PCDH15: variants seen among roughly 807,000 people sequenced by gnomAD.
The protein encoded by PCDH15 is protocadherin related 15.
In PCDH15, 129 loss-of-function variants were observed where a neutral mutation model predicts 178.5. The ratio of observed to expected loss-of-function variants is 0.72; its 90% CI spans 0.63 to 0.84. PCDH15 has a LOEUF of 0.84. Ranked by LOEUF, PCDH15 falls within the 40% of genes least tolerant of loss-of-function variation. The pLI is 0.00. For synonymous variants in PCDH15, 800 were observed against 732.0 expected (o/e 1.09, Z -1.50); for missense variants, 2,230 against 2,099.9 (o/e 1.06, Z -1.21).
At chr10:54,019,836 T>A (rs1475843510) in intron 20 of PCDH15, among the ~76,000 whole-genome samples, 1 of 151,966 alleles carries the variant, frequency 6.6e-6, no homozygotes, top group Non-Finnish European at 1.5e-5. Flanking sequence ...TATATAAAAT[T>A]TTTTTAGTTG....
rs543527775 is a variant in PCDH15, at chr10:54,717,825, G to A, written c.-28-53535C>T. 1.9e-4 allele frequency among the ~76,000 whole-genome samples: 27 copies of A among 143,122 alleles called. 1 individual carries two copies. The South Asian group carries it at 3.6e-3, about 19-fold the overall frequency. The allele number at this position is 143,122 out of a possible 152,430, so 93.9% of individuals were successfully genotyped here. A position where few individuals can be genotyped will look rare whatever the true frequency, so the allele number is the denominator to read the frequency against. ...ACACATGCACACGTATGTTTACTGCGGCACTATTCATAATAGCGAAGACTT... is the reference window on the plus strand; with the variant it reads ...ACACATGCACACGTATGTTTACTGCAGCACTATTCATAATAGCGAAGACTT... On this transcript the variant is annotated intron_variant, in intron 1 of 37. Coordinates refer to ENST00000644397, the MANE Select transcript of PCDH15 (RefSeq NM_001384140.1).
At position 54,346,454 on chromosome 10, in the gene PCDH15, C is replaced by T; in HGVS notation, c.505G>A (p.Gly169Arg). The change falls in exon 6 of 38, where the codon GGA becomes AGA. Residue 169 changes from glycine to arginine, a missense_variant. By Grantham distance (125) the Gly-to-Arg change is moderately radical. Transcript: ENST00000644397. ...GTAGCTCCATTGTCTCCTGAAAATC[C>T]TGTGAATATTGTGGTACCAACTGGA... ...LTPVGTTIFT[G>R]FSGDNGATDI... is the part of the protein sequence containing the mutation. 1.2e-6 allele frequency: 2 copies of T among 1,613,754 alleles called. No homozygotes were observed. The highest frequency in any genetic ancestry group is 1.7e-6 in the Non-Finnish European group (2 of 1,179,868).
At chr10:55,418,358 T>C (rs939095640) in intron 2 of PCDH15, among the ~76,000 whole-genome samples, 6 of 151,758 alleles carry the variant, frequency 4.0e-5, no homozygotes, top group Non-Finnish European at 7.4e-5. Context: ...GTCAGGGCAC[T>C]GATACTCTCA....
rs567179517 is a variant in PCDH15, at chr10:54,303,341, T to A, written c.876+13930A>T. 1.6e-4 allele frequency among the ~76,000 whole-genome samples: 24 copies of A among 152,042 alleles called. No individual in the cohort carries two copies. The South Asian group carries it at 4.6e-3, about 29-fold the overall frequency. On this transcript the variant is annotated intron_variant, in intron 8 of 37. Coordinates refer to ENST00000644397, the MANE Select transcript of PCDH15 (RefSeq NM_001384140.1). ...TATGAGTTTATATGTCCTAAGAGGG[T>A]TCCCCAATTATCACAATTGTTTCAA...
At chr10:54,727,434 G>A (rs1382592659) in intron 1 of PCDH15, among the ~76,000 whole-genome samples, 1 of 151,572 alleles carries the variant, frequency 6.6e-6, no homozygotes, top group East Asian at 1.9e-4. Context: ...CAGACTCTGG[G>A]ACACAGCTAA....
At chr10:55,425,344 C>T (rs753976768) in intron 2 of PCDH15, among the ~76,000 whole-genome samples, 5 of 151,786 alleles carry the variant, frequency 3.3e-5, no homozygotes, top group Admixed American at 6.6e-5. Flanking sequence ...ATGGAAAAAA[C>T]TAACAAAGAA....
intron 2 of PCDH15, among the ~76,000 whole-genome samples, chr10:54,927,421 G>T (rs1014725147): frequency 2.0e-5 from 3 of 152,032 alleles, no homozygotes; most frequent in African/African-American, 7.2e-5. Context: ...TTGCTTTTGG[G>T]TGTGAAGTAA....
At chr10:53,824,490 A>AAAGCCACAGTTGTTAAT (rs1810493682) in intron 32 of PCDH15, among the ~76,000 whole-genome samples, 1 of 152,190 alleles carries the variant, frequency 6.6e-6, no homozygotes. Flanking sequence ...ACAAAATAAT[A>AAAGCCACAGTTGTTAAT]AAGCCACAGT....
chr10:54,030,726 G>A (rs1162845317), intron 18 of PCDH15, among the ~76,000 whole-genome samples: 1 of 151,740 alleles, frequency 6.6e-6, no homozygotes, highest in Non-Finnish European at 1.5e-5. Flanking sequence ...GGCTCTACCT[G>A]GTCTTGTTCT....
intron 2 of PCDH15, among the ~76,000 whole-genome samples, chr10:55,128,000 T>C (rs1837945791): frequency 1.3e-5 from 2 of 152,032 alleles, no homozygotes; most frequent in Admixed American, 1.3e-4. Flanking sequence ...CTCTTTCTCC[T>C]CAGACTGGAG....
intron 9 of PCDH15, among the ~76,000 whole-genome samples, chr10:54,219,290 A>T (rs953595897): frequency 5.0e-5 from 7 of 138,666 alleles, no homozygotes; most frequent in African/African-American, 1.9e-4. Context: ...AAAAAAAAAA[A>T]AAAAGGAGAC....
intron 2 of PCDH15, among the ~76,000 whole-genome samples, chr10:55,503,305 T>C (rs1840694451): frequency 6.7e-6 from 1 of 149,866 alleles, no homozygotes; most frequent in South Asian, 2.1e-4. Flanking sequence ...AAATTTTAAA[T>C]AAACTAAGTT....
chr10:54,615,597 G>A (rs10763120), intron 2 of PCDH15, among the ~76,000 whole-genome samples: 124,941 of 151,970 alleles, frequency 0.82, 51,425 homozygotes, highest in East Asian at 0.86. Context: ...CTTGAGACAC[G>A]GAGACAAATA....
At chr10:54,398,746 A>C (rs12775760) in intron 3 of PCDH15, among the ~76,000 whole-genome samples, 7,586 of 152,122 alleles carry the variant, frequency 0.05, 221 homozygotes, top group Admixed American at 0.097. Flanking sequence ...TAAATCAGAA[A>C]AAAAACCCCA....
intron 15 of PCDH15, among the ~76,000 whole-genome samples, chr10:54,095,441 T>C (rs1304705298): frequency 2.0e-5 from 3 of 151,808 alleles, no homozygotes; most frequent in African/African-American, 7.2e-5. Flanking sequence ...AATAATATTA[T>C]ATAGAATATA....
chr10:54,608,411 C>T lies in PCDH15; in HGVS notation c.91+55761G>A, dbSNP rs550312732. On this transcript the variant is annotated intron_variant, in intron 2 of 37. Coordinates refer to ENST00000644397, the MANE Select transcript of PCDH15 (RefSeq NM_001384140.1). ...CGCTTCAACTCGGGAGTTTGAGACC[C>T]GCCTGGGCAGTTTAGTGAAACCTCA... Among the ~76,000 whole-genome samples the T allele has an allele frequency of 5.9e-5, 9 of 151,922 alleles. No homozygotes were observed. In the South Asian group the frequency reaches 1.3e-3, roughly 21 times the overall value.
intron 2 of PCDH15, among the ~76,000 whole-genome samples, chr10:55,138,465 G>C (rs979324048): frequency 1.3e-5 from 2 of 152,094 alleles, no homozygotes; most frequent in African/African-American, 4.8e-5. Flanking sequence ...ACTGTGGCCA[G>C]TATAGCCACA....
At chr10:54,982,777 A>C (rs1839270375) in intron 2 of PCDH15, among the ~76,000 whole-genome samples, 1 of 152,160 alleles carries the variant, frequency 6.6e-6, no homozygotes, top group Non-Finnish European at 1.5e-5. Context: ...TTGTTAACCT[A>C]GCAATTTTAC....
chr10:53,896,756 A>G (rs10763020), intron 26 of PCDH15, among the ~76,000 whole-genome samples: 97,709 of 151,832 alleles, frequency 0.64, 32,525 homozygotes, highest in East Asian at 0.87. Flanking sequence ...TCTTATAGGA[A>G]CATAAACCCT....
Sources: allele counts gnomAD v4.1 joint callset (sites outside exome capture counted in the v4.1 genomes callset), GRCh38; gene constraint gnomAD v4.1.1; transcripts MANE v1.5; gene names NCBI Gene and HGNC (gene_info 2026-07-23, HGNC 2026-07-21).